The following FRMPD4 variants were observed in gnomAD, a reference collection of about 807,000 sequenced individuals.
The protein encoded by FRMPD4 is FERM and PDZ domain-containing protein 4.
In FRMPD4, 22 loss-of-function variants were observed where a neutral mutation model predicts 94.1. That is an observed-to-expected ratio of 0.23 (90% CI 0.17 to 0.33). The LOEUF is 0.33. Among genes scored for constraint, FRMPD4 ranks in the 10% least tolerant of loss-of-function variants. The probability of loss-of-function intolerance (pLI) is 1.00; values close to 1 mark genes in which losing one functional copy is unlikely to be tolerated. For synonymous variants in FRMPD4, 631 were observed against 548.6 expected, an observed-to-expected ratio of 1.15 and a Z score of -2.10; for missense variants, 1,111 against 1,339.9, an observed-to-expected ratio of 0.83 and a Z score of 2.67.
At chrX:12,340,086 A>G (rs1157231561) in intron 1 of FRMPD4, among the ~76,000 whole-genome samples, 2 of 112,344 alleles carry the variant, frequency 1.8e-5, no homozygotes, top group South Asian at 3.7e-4. Context: ...CTTCTGTGCT[A>G]TCTGCAACAG....
chrX:12,048,865 A>G (rs1281050586), intron 3 of FRMPD4, among the ~76,000 whole-genome samples: 5 of 111,686 alleles, frequency 4.5e-5, no homozygotes, highest in Non-Finnish European at 9.4e-5. Flanking sequence ...TTGTACCAGT[A>G]CCATGCTGTT....
At chrX:12,040,736 C>T (rs1174819819) in intron 3 of FRMPD4, among the ~76,000 whole-genome samples, 3 of 107,137 alleles carry the variant, frequency 2.8e-5, no homozygotes, top group African/African-American at 6.8e-5. Flanking sequence ...TCACAGTGTT[C>T]GCCAGGATGG....
chrX:12,583,481 C>T, intron 2 of FRMPD4: 2 of 1,193,423 alleles, frequency 1.7e-6, no homozygotes, highest in Non-Finnish European at 1.1e-6. Flanking sequence ...TCTTCGGGAA[C>T]TTTCACCCAC....
At chrX:12,558,694 G>A (rs1386976850) in intron 2 of FRMPD4, among the ~76,000 whole-genome samples, 1 of 111,787 alleles carries the variant, frequency 8.9e-6, no homozygotes, top group East Asian at 2.8e-4. Context: ...AGCAAAAGCA[G>A]TATCTTTCAG....
At chrX:12,299,956 A>C (rs986840577) in intron 1 of FRMPD4, among the ~76,000 whole-genome samples, 1 of 112,407 alleles carries the variant, frequency 8.9e-6, no homozygotes, top group Non-Finnish European at 1.9e-5. Context: ...ACAATGGCCA[A>C]ATTGTTTAAA....
At chrX:11,902,480 T>C (rs1359365969) in intron 3 of FRMPD4, among the ~76,000 whole-genome samples, 1 of 111,745 alleles carries the variant, frequency 8.9e-6, no homozygotes, top group Non-Finnish European at 1.9e-5. Context: ...CTCTGGTCCC[T>C]CGTCTTCTTC....
At chrX:11,943,043 G>A (rs753626776) in intron 3 of FRMPD4, among the ~76,000 whole-genome samples, 33 of 111,828 alleles carry the variant, frequency 3.0e-4, no homozygotes, top group Admixed American at 1.2e-3. Flanking sequence ...GCAAATAGTC[G>A]GATTTCACAA....
intron 1 of FRMPD4, among the ~76,000 whole-genome samples, chrX:11,827,379 G>T (rs1206219570): frequency 9.1e-6 from 1 of 109,513 alleles, no homozygotes; most frequent in Non-Finnish European, 1.9e-5. Flanking sequence ...ATTTGCTTTA[G>T]TTTGAATGGG....
intron 3 of FRMPD4, among the ~76,000 whole-genome samples, chrX:12,039,223 A>T (rs539992591): frequency 1.9e-3 from 194 of 104,768 alleles, no homozygotes; most frequent in South Asian, 7.3e-3. Context: ...ATTTATTTTT[A>T]TTTTTTTTTT....
intron 1 of FRMPD4, among the ~76,000 whole-genome samples, chrX:12,381,686 C>A (rs1185570310): frequency 1.8e-5 from 2 of 112,090 alleles, no homozygotes; most frequent in Admixed American, 9.5e-5. Context: ...TGACACTGTT[C>A]TGGCTATGGT....
At chrX:12,426,206 G>A (rs982637423) in intron 1 of FRMPD4, among the ~76,000 whole-genome samples, 1 of 111,853 alleles carries the variant, frequency 8.9e-6, no homozygotes, top group Non-Finnish European at 1.9e-5. Context: ...TTCAGTCAGA[G>A]TATTTTAATG....
At chrX:12,051,836 A>G (rs996522537) in intron 3 of FRMPD4, among the ~76,000 whole-genome samples, 3 of 111,148 alleles carry the variant, frequency 2.7e-5, no homozygotes. Flanking sequence ...GAAAGAAACC[A>G]TGGTCCCTTT....
Position 12,586,468 on chromosome X carries a change from C to G in FRMPD4, c.159-23253C>G, listed in dbSNP as rs149557302. 3.3e-3 allele frequency among the ~76,000 whole-genome samples: 370 copies of G among 112,767 alleles called. 1 individual carries two copies. The highest frequency in any genetic ancestry group is 4.4e-3 in the Non-Finnish European group (234 of 53,341). On this transcript the variant is annotated intron_variant, in intron 2 of 16. Transcript: ENST00000675598. ...ATTTATTGCAGAGTTTAACATTCAT[C>G]ATGGTTGGTTGCCCACTGCAAGGTT...
At chrX:12,654,845 G>A (rs2059636501) in intron 4 of FRMPD4, among the ~76,000 whole-genome samples, 1 of 112,177 alleles carries the variant, frequency 8.9e-6, no homozygotes, top group African/African-American at 3.2e-5. Flanking sequence ...GAATTCTACA[G>A]AACAACTTAT....
intron 4 of FRMPD4, among the ~76,000 whole-genome samples, chrX:12,634,295 A>G (rs2059422878): frequency 8.9e-6 from 1 of 112,288 alleles, no homozygotes; most frequent in South Asian, 3.7e-4. Flanking sequence ...TGTCTAATAA[A>G]TGGGATAGCT....
chrX:11,954,927 A>G (rs979664861), intron 3 of FRMPD4, among the ~76,000 whole-genome samples: 2 of 111,275 alleles, frequency 1.8e-5, no homozygotes, highest in African/African-American at 6.5e-5. Flanking sequence ...GACAACAATA[A>G]CAAGAATAGG....
At chrX:12,476,551 T>C (rs1439331598) in intron 1 of FRMPD4, among the ~76,000 whole-genome samples, 1 of 111,046 alleles carries the variant, frequency 9.0e-6, no homozygotes, top group Admixed American at 9.5e-5. Flanking sequence ...GAGAACATTT[T>C]TGCAATCTAC....
chrX:12,382,513 TAGCATAGCATAGCATAG>T (rs1252893198), intron 1 of FRMPD4, among the ~76,000 whole-genome samples: 76 of 60,805 alleles, frequency 1.2e-3, no homozygotes, highest in Non-Finnish European at 1.9e-3. Flanking sequence ...TAGCATAGCA[TAGCATAGCATAGCATAG>T]AGCATAGCAT....
intron 1 of FRMPD4, among the ~76,000 whole-genome samples, chrX:12,334,727 T>G (rs1465051211): frequency 1.8e-5 from 2 of 111,481 alleles, no homozygotes; most frequent in Admixed American, 1.9e-4. Flanking sequence ...ATCTTTATTG[T>G]GCACCTGTTA....
Sources: allele counts gnomAD v4.1 joint callset (sites outside exome capture counted in the v4.1 genomes callset), GRCh38; gene constraint gnomAD v4.1.1; transcripts MANE v1.5; gene names NCBI Gene and HGNC (gene_info 2026-07-23, HGNC 2026-07-21).